Variants in MLC1 observed in about 807,000 individuals in gnomAD.
The protein encoded by MLC1 is modulator of VRAC current 1.
A neutral mutation model predicts 44.7 loss-of-function variants in MLC1; 32 were observed. The ratio of observed to expected loss-of-function variants is 0.72; its 90% CI spans 0.54 to 0.96. The LOEUF (loss-of-function observed/expected upper bound fraction) is 0.96. Ranked by LOEUF, MLC1 falls within the 40% of genes least tolerant of loss-of-function variation. MLC1 has a pLI of 0.00. For synonymous variants in MLC1, 190 were observed against 213.0 expected (o/e 0.89, Z 0.94); for missense variants, 459 against 492.2 (o/e 0.93, Z 0.64).
rs991275418 is a variant in MLC1 at position 50,059,605 on chromosome 22, C to CG, written c.*1977dup. The stretch of plus-strand genomic sequence containing the variant: ...CCCCCAAGAAGACATCAGCCCGCCC[C>CG]GGGTCGTCCCTGTGGCTCCCACCCC... On this transcript the variant is annotated 3_prime_UTR_variant, in exon 12 of 12. Transcript: ENST00000311597. 5.3e-5 allele frequency: 8 copies of CG among 152,364 alleles called. No homozygotes were observed. Among genetic ancestry groups the CG allele is most frequent in the Non-Finnish European group, 8.8e-5 (6 of 68,058 alleles). The allele number at this position is 152,364 out of a possible 1,614,324, so 9.4% of individuals were successfully genotyped here. A position where few individuals can be genotyped will look rare whatever the true frequency, so the allele number is the denominator to read the frequency against.
At chr22:50,064,998 C>T (rs1392128814) in intron 10 of MLC1, among the ~76,000 whole-genome samples, 2 of 152,202 alleles carry the variant, frequency 1.3e-5, no homozygotes, top group Non-Finnish European at 2.9e-5. Flanking sequence ...GATCTCGGCT[C>T]GCTGCAACCT....
chr22:50,079,192 G>A (rs1160178743), intron 5 of MLC1, among the ~76,000 whole-genome samples: 1 of 152,020 alleles, frequency 6.6e-6, no homozygotes, highest in Non-Finnish European at 1.5e-5. Flanking sequence ...GCTGAGGCAG[G>A]AGAATTGCTT....
chr22:50,063,222 T>A (rs1327590694), intron 11 of MLC1, among the ~76,000 whole-genome samples: 1 of 152,014 alleles, frequency 6.6e-6, no homozygotes, highest in East Asian at 1.9e-4. Context: ...CGCCTGTAAT[T>A]CCAGCACTTT....
At chr22:50,070,664 A>G in intron 8 of MLC1, 81 bp from the exon 9 acceptor site, 2 of 1,422,332 alleles carry the variant, frequency 1.4e-6, no homozygotes, top group South Asian at 1.2e-5. Flanking sequence ...CCCACCAGTG[A>G]CCCCTCCATG....
At chr22:50,082,961 G>A (rs552567992) in intron 3 of MLC1, 123 bp downstream of exon 3, 420 of 994,890 alleles carry the variant, frequency 4.2e-4, no homozygotes, top group Non-Finnish European at 1.3e-4. Context: ...CACTGTGCCC[G>A]GCCCATATGA....
intron 1 of MLC1, 95 bp downstream of exon 1, chr22:50,085,260 C>G (rs921810149): frequency 1.7e-6 from 2 of 1,174,736 alleles, no homozygotes; most frequent in African/African-American, 3.2e-5. Context: ...CACATCACGC[C>G]GGGGACTCAA....
In MLC1 at chr22:50,080,024, AAAAC is replaced by A; in HGVS notation, c.322-9_322-6del. The stretch of plus-strand genomic sequence containing the variant: ...CAATATCTGAAAGTTGGGAATCTGA[AAAAC>A]AAGGCAGGAGGGGTTTTCCTTCTTT... On this transcript the variant is annotated splice_region_variant and splice_polypyrimidine_tract_variant and intron_variant, in intron 4 of 11. Transcript: ENST00000311597. The A allele has an allele frequency of 1.2e-6, 2 of 1,605,456 alleles. No homozygotes were observed. The highest frequency in any genetic ancestry group is 8.5e-7 in the Non-Finnish European group (1 of 1,172,054).
chr22:50,081,025 G>GAAAGAAAGAAAGAA lies in MLC1; in HGVS notation c.268-642_268-629dup, dbSNP rs747461146. On this transcript the variant is annotated intron_variant, in intron 3 of 11. Transcript: ENST00000311597. ...TGTCTCAAAAAAAGAAAGAAAGAAAGAAAGAAAGAAAGAAAGAAAGAAAGA... is the reference window on the plus strand; with the variant it reads ...TGTCTCAAAAAAAGAAAGAAAGAAAGAAAGAAAGAAAGAAAAAGAAAGAAAGAAAGAAAGAAAGA... Among the ~76,000 whole-genome samples, 267 of 145,216 alleles carry GAAAGAAAGAAAGAA rather than the reference G, an allele frequency of 1.8e-3. 5 individuals carry two copies. The East Asian group carries it at 0.037, about 20-fold the overall frequency.
chr22:50,081,682 C>A (rs1356439814), intron 3 of MLC1, among the ~76,000 whole-genome samples: 1 of 152,364 alleles, frequency 6.6e-6, no homozygotes, highest in East Asian at 1.9e-4. Context: ...CAGAAGAAGC[C>A]CCGTCGGGGC....
chr22:50,083,264 T>C lies in MLC1; in HGVS notation c.178-91A>G. ...CAACTTCTGCTTCACTGTCTGTGTATTGGTGACTCACCCACGTCCCCCAGC... is the reference window on the plus strand; with the variant it reads ...CAACTTCTGCTTCACTGTCTGTGTACTGGTGACTCACCCACGTCCCCCAGC... On this transcript the variant is annotated intron_variant, in intron 2 of 11. Coordinates refer to ENST00000311597, the MANE Select transcript of MLC1 (RefSeq NM_015166.4). This position sits in a 1 kb window ranked among gnomAD's most constrained non-coding sequence, Gnocchi z 4.6. 24 of 1,178,322 alleles carry C rather than the reference T, an allele frequency of 2.0e-5. No individual in the cohort carries two copies. The highest frequency in any genetic ancestry group is 2.9e-5 in the Non-Finnish European group (23 of 796,386). 73.0% of individuals were successfully genotyped at this position (1,178,322 alleles called of 1,614,324 possible).
At position 50,077,440 on chromosome 22, in the gene MLC1, G is replaced by A. The variant is rs754667390; in HGVS notation, c.486C>T (p.Ile162=). The change falls in exon 6 of 12, where the codon ATC becomes ATT. Residue 162 remains isoleucine, a synonymous_variant. Coordinates refer to ENST00000311597, the MANE Select transcript of MLC1 (RefSeq NM_015166.4). ...LELLMAATVI[I]AARSSEEDCK... is the part of the protein sequence containing the mutation. ...AGTCCTCCTCGCTGGACCGTGCAGC[G>A]ATGATCACCGTGGCCGCCATGAGCA... 4.7e-5 allele frequency: 76 copies of A among 1,613,884 alleles called. No homozygotes were observed. Among genetic ancestry groups the A allele is most frequent in the South Asian group, 3.3e-4 (30 of 91,066 alleles).
At chr22:50,085,110 A>G (rs975981668) in intron 1 of MLC1, 149 bp from the exon 2 acceptor site, 1 of 1,438,842 alleles carries the variant, frequency 7.0e-7, no homozygotes, top group African/African-American at 1.4e-5. Flanking sequence ...TAAAAGTGAA[A>G]AAGAAATAAC....
At chr22:50,062,691 C>T (rs1370869671) in intron 11 of MLC1, among the ~76,000 whole-genome samples, 1 of 152,242 alleles carries the variant, frequency 6.6e-6, no homozygotes, top group African/African-American at 2.4e-5. Flanking sequence ...GCAAGAGCAG[C>T]GGCCGGTCCG....
chr22:50,074,533 C>A, intron 7 of MLC1: 1 of 614,966 alleles, frequency 1.6e-6, no homozygotes, highest in Non-Finnish European at 2.9e-6. Context: ...CTTTTCACGT[C>A]CCTCCTGGAG....
chr22:50,068,518 G>T lies in MLC1; in HGVS notation c.809C>A (p.Pro270Gln), dbSNP rs74315275. 6.2e-7 allele frequency: 1 copy of T among 1,613,628 alleles called. No homozygotes were observed. The highest frequency in any genetic ancestry group is 8.5e-7 in the Non-Finnish European group (1 of 1,179,782). Reference protein sequence around the residue: ...VLIAISSLTSPLLFTASGYLS... With the variant: ...VLIAISSLTSQLLFTASGYLS... ...ATATCCAGAGGCTGTGAACAGCAGC[G>T]GAGACGTGAGGCTGCTTATGGCAAT... Residue 270 changes from proline (P) to glutamine (Q), a missense_variant, in exon 10 of 12, where the codon CCG (proline) becomes CAG (glutamine). By Grantham distance (76) the Pro-to-Gln change is moderately conservative (BLOSUM62 -1). Coordinates refer to ENST00000311597, the MANE Select transcript of MLC1 (RefSeq NM_015166.4).
intron 8 of MLC1, among the ~76,000 whole-genome samples, chr22:50,073,707 G>A (rs1158214324): frequency 1.3e-5 from 2 of 152,256 alleles, no homozygotes; most frequent in African/African-American, 4.8e-5. Context: ...CTGCACTCCA[G>A]CCTGGGTGGC....
At chr22:50,067,620 T>TCAGG (rs201413728) in intron 10 of MLC1, among the ~76,000 whole-genome samples, 1 of 28,754 alleles carries the variant, frequency 3.5e-5, no homozygotes, top group Non-Finnish European at 5.7e-5. Context: ...CCATCCCCCA[T>TCAGG]CAGTGACTCC....
intron 11 of MLC1, 89 bp from the exon 12 acceptor site, chr22:50,061,746 A>T: frequency 8.1e-7 from 1 of 1,238,390 alleles, no homozygotes; most frequent in African/African-American, 1.5e-5. Flanking sequence ...GGCAGCGAGC[A>T]GCCAGCGTTC....
chr22:50,064,787 T>C (rs1205188084), intron 10 of MLC1, among the ~76,000 whole-genome samples: 1 of 152,162 alleles, frequency 6.6e-6, no homozygotes, highest in Non-Finnish European at 1.5e-5. Context: ...AAACCCTCTG[T>C]GCCCATGGAT....
Sources: allele counts gnomAD v4.1 joint callset (sites outside exome capture counted in the v4.1 genomes callset), GRCh38; gene constraint gnomAD v4.1.1; non-coding constraint Gnocchi (gnomAD v3.1); transcripts MANE v1.5; gene names NCBI Gene and HGNC (gene_info 2026-07-23, HGNC 2026-07-21).